Variants in RNF216 observed in about 807,000 individuals in gnomAD.
The protein encoded by RNF216 is ring finger protein 216.
A neutral mutation model predicts 110.8 loss-of-function variants in RNF216; 72 were observed. The ratio of observed to expected loss-of-function variants is 0.65; its 90% CI spans 0.54 to 0.79. RNF216 has a LOEUF of 0.79. RNF216 is among the 30% of genes least tolerant of loss of function. The pLI is 0.00. For synonymous variants in RNF216, 495 were observed against 407.5 expected (o/e 1.21, Z -2.59); for missense variants, 1,342 against 1,141.2 (o/e 1.18, Z -2.54).
intron 14 of RNF216, among the ~76,000 whole-genome samples, chr7:5,644,553 T>G (rs1787936057): frequency 1.3e-5 from 2 of 152,016 alleles, no homozygotes; most frequent in Admixed American, 1.3e-4. Context: ...TCATCCAGGC[T>G]GGAGTGCAGT....
At chr7:5,670,921 C>T (rs772566320) in intron 13 of RNF216, among the ~76,000 whole-genome samples, 8 of 152,214 alleles carry the variant, frequency 5.3e-5, no homozygotes, top group East Asian at 1.9e-4. Flanking sequence ...CTTCCCAAGA[C>T]GAACCACCAT....
intron 13 of RNF216, among the ~76,000 whole-genome samples, chr7:5,657,209 T>C (rs116636581): frequency 8.9e-4 from 136 of 152,364 alleles, no homozygotes; most frequent in African/African-American, 3.1e-3. Context: ...CCACAGGGCA[T>C]TACGCTGTTG....
Position 5,721,128 on chromosome 7 carries a change from G to A in RNF216, c.1549C>T (p.Arg517Ter). 1.2e-6 allele frequency: 2 copies of A among 1,613,728 alleles called. No individual in the cohort carries two copies. Among genetic ancestry groups the A allele is most frequent in the Non-Finnish European group, 1.7e-6 (2 of 1,179,704 alleles). Reference sequence around the variant, plus strand: ...CGGTCATAGGACCTACAATGTCGTCGCTTATTTTCAAGAAAGAACATCCTC... The same window carrying A: ...CGGTCATAGGACCTACAATGTCGTCACTTATTTTCAAGAAAGAACATCCTC... Reference protein sequence around the residue: ...EKRMFFLENKRRHCRSYDRRA... With the variant: ...EKRMFFLENK Residue 517 changes from arginine to a stop codon, truncating the protein, a stop_gained, in exon 9 of 17, where the codon CGA becomes TGA. Transcript: ENST00000389902. LOFTEE classifies it high-confidence loss of function.
At chr7:5,692,575 G>A (rs1281303368) in intron 13 of RNF216, among the ~76,000 whole-genome samples, 1 of 152,198 alleles carries the variant, frequency 6.6e-6, no homozygotes, top group East Asian at 1.9e-4. Context: ...CAGAGCCCGT[G>A]CAGAAGGCGA....
intron 10 of RNF216, among the ~76,000 whole-genome samples, chr7:5,715,773 A>C: frequency 2.4e-5 from 3 of 123,798 alleles, no homozygotes; most frequent in African/African-American, 9.8e-5. Flanking sequence ...ATGGAGTCTC[A>C]CTCTGTTGCC....
intron 2 of RNF216, among the ~76,000 whole-genome samples, chr7:5,754,981 T>C (rs766862574): frequency 6.9e-6 from 1 of 144,092 alleles, no homozygotes; most frequent in Non-Finnish European, 1.5e-5. Flanking sequence ...TAAGCCAAGA[T>C]CATGCCACTG....
chr7:5,770,559 C>T (rs1048658707), intron 1 of RNF216, among the ~76,000 whole-genome samples: 1 of 151,792 alleles, frequency 6.6e-6, no homozygotes, highest in African/African-American at 2.4e-5. Flanking sequence ...GCAAAGATGT[C>T]CTTTCACTCT....
At chr7:5,669,867 G>C (rs1789784914) in intron 13 of RNF216, among the ~76,000 whole-genome samples, 2 of 151,986 alleles carry the variant, frequency 1.3e-5, no homozygotes, top group South Asian at 2.1e-4. Context: ...ACTCCAGCCT[G>C]GGCAAGACTC....
Position 5,725,349 on chromosome 7 carries a change from A to C in RNF216, c.1479T>G (p.Ser493=), listed in dbSNP as rs143692826. Residue 493 remains serine, a synonymous_variant, in exon 8 of 17, where the codon TCT becomes TCG. Transcript: ENST00000389902. ...RKKRKQMNQY[S]YIDFKFEQGD... is the part of the protein sequence containing the mutation. ...CTTGTTCAAACTTGAAATCAATGTA[A>C]GAATACTGGTTCATTTGTTTTCTCT... is the stretch of plus-strand genomic sequence containing the variant. The C allele has an allele frequency of 8.0e-5, 129 of 1,610,772 alleles. No homozygotes were observed. The African/African-American group carries it at 1.5e-3, about 19-fold the overall frequency.
Position 5,622,562 on chromosome 7 carries a change from A to C in RNF216, c.*298T>G. The C allele has an allele frequency of 2.7e-6, 1 of 372,690 alleles. No individual in the cohort carries two copies. The highest frequency in any genetic ancestry group is 4.9e-6 in the Non-Finnish European group (1 of 205,180). The allele number at this position is 372,690 out of a possible 1,614,324, so 23.1% of individuals were successfully genotyped here. Reference sequence around the variant, plus strand: ...GGTGTGAGCAGCAGGGACCTGGTCTATGGCCTATGCCATGGACAAGGCAGA... The same window carrying C: ...GGTGTGAGCAGCAGGGACCTGGTCTCTGGCCTATGCCATGGACAAGGCAGA... On this transcript the variant is annotated 3_prime_UTR_variant, in exon 17 of 17. Coordinates refer to ENST00000389902, the MANE Select transcript of RNF216 (RefSeq NM_207111.4).
At chr7:5,661,656 A>T (rs1238767764) in intron 13 of RNF216, among the ~76,000 whole-genome samples, 1 of 152,134 alleles carries the variant, frequency 6.6e-6, no homozygotes, top group East Asian at 1.9e-4. Flanking sequence ...TACAAAAATT[A>T]GCCAGGCGTG....
chr7:5,664,033 C>T (rs1789340815), intron 13 of RNF216, among the ~76,000 whole-genome samples: 1 of 152,166 alleles, frequency 6.6e-6, no homozygotes, highest in African/African-American at 2.4e-5. Flanking sequence ...AATCAACCAC[C>T]GTACATCTCA....
intron 13 of RNF216, among the ~76,000 whole-genome samples, chr7:5,668,466 G>C (rs1192510656): frequency 6.6e-6 from 1 of 151,950 alleles, no homozygotes; most frequent in African/African-American, 2.4e-5. Flanking sequence ...CTCGTGATCT[G>C]CCCGCCTCGG....
intron 8 of RNF216, 25 bp from the exon 9 acceptor site, chr7:5,721,197 A>G (rs760641641): frequency 6.2e-7 from 1 of 1,610,530 alleles, no homozygotes; most frequent in Non-Finnish European, 8.5e-7. Context: ...ACAATGCAAA[A>G]GCATGCAGAC....
At chr7:5,779,972 C>G (rs889559876) in intron 1 of RNF216, 1 of 151,984 alleles carries the variant, frequency 6.6e-6, no homozygotes, top group Non-Finnish European at 1.5e-5. Context: ...ATTCAGTAAA[C>G]AAAGGTACCC....
At chr7:5,642,160 G>C (rs192951423) in intron 14 of RNF216, among the ~76,000 whole-genome samples, 38 of 150,638 alleles carry the variant, frequency 2.5e-4, no homozygotes, top group Middle Eastern at 3.5e-3. Flanking sequence ...TATGATTTTA[G>C]TTACTCAGCA....
At chr7:5,658,286 A>C (rs953003145) in intron 13 of RNF216, among the ~76,000 whole-genome samples, 5 of 152,348 alleles carry the variant, frequency 3.3e-5, no homozygotes, top group South Asian at 2.1e-4. Context: ...CAGATGCTCA[A>C]ACCAAACATT....
intron 13 of RNF216, among the ~76,000 whole-genome samples, chr7:5,686,742 C>T (rs910967239): frequency 2.0e-5 from 3 of 152,244 alleles, no homozygotes; most frequent in East Asian, 1.9e-4. Flanking sequence ...CGGTCCCCAA[C>T]ATTTTTGGTC....
chr7:5,733,182 T>C (rs1352471836), intron 5 of RNF216: 1 of 152,138 alleles, frequency 6.6e-6, no homozygotes, highest in East Asian at 1.9e-4. Flanking sequence ...CAGAGAATAA[T>C]GGAAAGGAAA....
Sources: allele counts gnomAD v4.1 joint callset (sites outside exome capture counted in the v4.1 genomes callset), GRCh38; gene constraint gnomAD v4.1.1; transcripts MANE v1.5; gene names NCBI Gene and HGNC (gene_info 2026-07-23, HGNC 2026-07-21).